ENPP1: variants seen among roughly 807,000 people sequenced by gnomAD.
The protein encoded by ENPP1 is ectonucleotide pyrophosphatase/phosphodiesterase 1.
In ENPP1, 73 loss-of-function variants were observed where a neutral mutation model predicts 122.8. The observed-to-expected ratio is 0.59, with a 90% confidence interval of 0.49 to 0.72. The LOEUF is 0.72. Ranked by LOEUF, ENPP1 falls within the 30% of genes least tolerant of loss-of-function variation. The probability of loss-of-function intolerance (pLI) is 0.00; values close to 1 mark genes in which losing one functional copy is unlikely to be tolerated. For synonymous variants in ENPP1, 367 were observed against 391.6 expected (o/e 0.94, Z 0.74); for missense variants, 978 against 1,128.1 (o/e 0.87, Z 1.91).
At chr6:131,834,613 C>T (rs956112098) in intron 1 of ENPP1, among the ~76,000 whole-genome samples, 1 of 151,866 alleles carries the variant, frequency 6.6e-6, no homozygotes, top group African/African-American at 2.4e-5. Flanking sequence ...CCATTGCAAC[C>T]TCCGCCTCCT....
intron 1 of ENPP1, among the ~76,000 whole-genome samples, chr6:131,834,795 G>A (rs1231349412): frequency 1.3e-5 from 2 of 152,074 alleles, no homozygotes; most frequent in African/African-American, 4.8e-5. Context: ...TCCTGACTTC[G>A]TGATCTGCCC....
intron 1 of ENPP1, among the ~76,000 whole-genome samples, chr6:131,839,892 A>G (rs1012137613): frequency 6.6e-6 from 1 of 152,134 alleles, no homozygotes; most frequent in East Asian, 1.9e-4. Context: ...TAAATGGTCT[A>G]TATTTCTTTA....
chr6:131,808,051 T>C lies in ENPP1; in HGVS notation c.16T>C (p.Cys6Arg). The change falls in exon 1 of 25, where the codon TGC becomes CGC. Residue 6 changes from cysteine to arginine, a missense_variant. Cys to Arg is a radical substitution (Grantham distance 180, BLOSUM62 -3). This residue lies in a region of ENPP1 where 330 missense variants were observed against 328.5 expected (regional missense o/e 1.00). Coordinates refer to ENST00000647893, the MANE Select transcript of ENPP1 (RefSeq NM_006208.3). MERDGCAGGGSRGGEG... is the reference protein window; with the variant it reads MERDGRAGGGSRGGEG... ...CGGGGCCACGATGGAGCGCGACGGCTGCGCGGGGGGCGGGAGCCGCGGCGG... is the reference window on the plus strand; with the variant it reads ...CGGGGCCACGATGGAGCGCGACGGCCGCGCGGGGGGCGGGAGCCGCGGCGG... The C allele has an allele frequency of 2.2e-6, 1 of 459,056 alleles. No individual in the cohort carries two copies. Among genetic ancestry groups the C allele is most frequent in the Non-Finnish European group, 2.5e-6 (1 of 393,662 alleles). 28.4% of individuals were successfully genotyped at this position (459,056 alleles called of 1,614,324 possible).
intron 22 of ENPP1, 87 bp downstream of exon 22, chr6:131,883,861 A>T: frequency 1.4e-6 from 1 of 732,138 alleles, no homozygotes; most frequent in Non-Finnish European, 2.5e-6. Context: ...CTTATGGTCT[A>T]AATTAAATGA....
At chr6:131,855,503 T>A (rs765132328) in intron 6 of ENPP1, among the ~76,000 whole-genome samples, 27 of 152,086 alleles carry the variant, frequency 1.8e-4, no homozygotes, top group Non-Finnish European at 3.7e-4. Flanking sequence ...TTTTTGTGTT[T>A]TTAGTAGAGA....
intron 17 of ENPP1, 144 bp from the exon 18 acceptor site, chr6:131,876,848 C>A: frequency 2.7e-6 from 2 of 740,072 alleles, no homozygotes; most frequent in South Asian, 1.6e-5. Context: ...TACTCTAAAA[C>A]CCAAGAGAGT....
At position 131,890,322 on chromosome 6, in the gene ENPP1, A is replaced by G; in HGVS notation, c.2608-19A>G. ...GTGTTCTCTTGGTAACTTTTCTTTT[A>G]TATTTCCTATTCTCCTAGCATGGGA... On this transcript the variant is annotated intron_variant, in intron 24 of 24. Transcript: ENST00000647893. 1 of 1,609,026 alleles carries G rather than the reference A, an allele frequency of 6.2e-7. No homozygotes were observed.
chr6:131,877,197 G>T lies in ENPP1; in HGVS notation c.1893+36G>T, dbSNP rs753723538. 3 of 1,592,326 alleles carry T rather than the reference G, an allele frequency of 1.9e-6. No homozygotes were observed. The East Asian group carries it at 6.7e-5, about 36-fold the overall frequency. On this transcript the variant is annotated intron_variant, in intron 18 of 24. Transcript: ENST00000647893. ...TCAAGAAGTTTGGTCCAGTATGTATGGTTTGATAGCACCCTCTGCATAGCA... is the reference window on the plus strand; with the variant it reads ...TCAAGAAGTTTGGTCCAGTATGTATTGTTTGATAGCACCCTCTGCATAGCA...
chr6:131,873,596 C>CCA (rs1242252404), intron 15 of ENPP1, among the ~76,000 whole-genome samples: 3 of 151,958 alleles, frequency 2.0e-5, no homozygotes, highest in African/African-American at 7.3e-5. Context: ...TTATACTAAT[C>CCA]CATCAATAAA....
chr6:131,861,548 A>G, intron 8 of ENPP1, 47 bp from the exon 9 acceptor site: 2 of 1,179,818 alleles, frequency 1.7e-6, no homozygotes, highest in Non-Finnish European at 2.6e-6. Context: ...TTCCTAAGAG[A>G]TGAATGTTTG....
chr6:131,863,531 G>C (rs935711441), intron 9 of ENPP1, among the ~76,000 whole-genome samples: 1 of 152,190 alleles, frequency 6.6e-6, no homozygotes, highest in Non-Finnish European at 1.5e-5. Context: ...TCTTATGCTA[G>C]TTAGTGTTCT....
At chr6:131,822,372 T>A (rs949604127) in intron 1 of ENPP1, among the ~76,000 whole-genome samples, 3 of 152,200 alleles carry the variant, frequency 2.0e-5, no homozygotes, top group African/African-American at 7.2e-5. Context: ...ACTTTCAGTT[T>A]CCTTAACCGT....
Position 131,877,163 on chromosome 6 carries a change from T to C in ENPP1, c.1893+2T>C. On this transcript the variant is annotated splice_donor_variant, in intron 18 of 24. Coordinates refer to ENST00000647893, the MANE Select transcript of ENPP1 (RefSeq NM_006208.3). LOFTEE classifies it high-confidence loss of function. Reference sequence around the variant, plus strand: ...CTTGGCTGCTCATGTAACCCTTCGGTAAGTATCGTCAAGAAGTTTGGTCCA... The same window carrying C: ...CTTGGCTGCTCATGTAACCCTTCGGCAAGTATCGTCAAGAAGTTTGGTCCA... 1.2e-6 allele frequency: 2 copies of C among 1,613,184 alleles called. No homozygotes were observed. The highest frequency in any genetic ancestry group is 2.7e-5 in the African/African-American group (2 of 75,024).
chr6:131,828,488 C>CTA, intron 1 of ENPP1: 1 of 231,230 alleles, frequency 4.3e-6, no homozygotes. Context: ...ATCAGGTGAT[C>CTA]TATACCTTTT....
intron 17 of ENPP1, among the ~76,000 whole-genome samples, chr6:131,876,359 G>A (rs1782230587): frequency 6.6e-6 from 1 of 152,152 alleles, no homozygotes; most frequent in Admixed American, 6.5e-5. Context: ...AGCATTGTGT[G>A]TTTTAAATAT....
chr6:131,881,391 A>G (rs901563875), intron 20 of ENPP1, among the ~76,000 whole-genome samples: 1 of 152,154 alleles, frequency 6.6e-6, no homozygotes, highest in Non-Finnish European at 1.5e-5. Flanking sequence ...ATTAATATTT[A>G]TACCTTAATT....
At chr6:131,827,649 A>G (rs938293646) in intron 1 of ENPP1, 2 of 618,560 alleles carry the variant, frequency 3.2e-6, no homozygotes, top group African/African-American at 1.8e-5. Flanking sequence ...TCAGATACAC[A>G]CTATAAATGA....
chr6:131,835,602 A>C, intron 1 of ENPP1, among the ~76,000 whole-genome samples: 1 of 151,930 alleles, frequency 6.6e-6, no homozygotes, highest in East Asian at 1.9e-4. Context: ...GTACATGTGC[A>C]GAATGTGCAG....
rs1346369704 is a variant in ENPP1, at chr6:131,844,500, G to GTAT, written c.241-3275_241-3274insATT. On this transcript the variant is annotated intron_variant, in intron 1 of 24. Transcript: ENST00000647893. ...GCACAGACAGCAAAAGCATGTAGTT[G>GTAT]TGTTGTTGCTTTGCCTCTCAGAGGT... Among the ~76,000 whole-genome samples, 10 of 136,424 alleles carry GTAT rather than the reference G, an allele frequency of 7.3e-5. No homozygotes were observed. The East Asian group carries it at 2.0e-3, about 27-fold the overall frequency. 89.5% of individuals were successfully genotyped at this position (136,424 alleles called of 152,430 possible).
Sources: gnomAD v4.1 joint callset for allele counts (sites outside exome capture counted in the v4.1 genomes callset) on GRCh38, gnomAD v4.1.1 for gene constraint, gnomAD v4.1.1 regional missense constraint, MANE v1.5 for transcripts, NCBI Gene and HGNC (gene_info 2026-07-23, HGNC 2026-07-21) for gene names.